ERGIC2: variants seen among roughly 807,000 people sequenced by gnomAD.
ERGIC2 encodes the protein endoplasmic reticulum-Golgi intermediate compartment protein 2.
A neutral mutation model predicts 52.5 loss-of-function variants in ERGIC2; 31 were observed. The observed-to-expected ratio is 0.59, with a 90% confidence interval of 0.44 to 0.80. The LOEUF is 0.80. Ranked by LOEUF, ERGIC2 falls within the 30% of genes least tolerant of loss-of-function variation. ERGIC2 has a pLI of 0.00. For missense variants in ERGIC2, 395 were observed against 455.2 expected (o/e 0.87, Z 1.20); for synonymous variants, 129 against 140.6 (o/e 0.92, Z 0.58).
rs531093473 is a variant in ERGIC2, at chr12:29,370,236, C to A, written c.107-14G>T. On this transcript the variant is annotated splice_polypyrimidine_tract_variant and intron_variant, in intron 2 of 13. Coordinates refer to ENST00000360150, the MANE Select transcript of ERGIC2 (RefSeq NM_016570.3). ...CTATTAGAGAAACTGGGAAATCCAACAACAAAAGAAAAACAGAATTAAAAC... is the reference window on the plus strand; with the variant it reads ...CTATTAGAGAAACTGGGAAATCCAAAAACAAAAGAAAAACAGAATTAAAAC... The A allele has an allele frequency of 1.6e-5, 25 of 1,526,572 alleles. No individual in the cohort carries two copies. In the South Asian group the frequency reaches 3.1e-4, roughly 19 times the overall value. 94.6% of individuals were successfully genotyped at this position (1,526,572 alleles called of 1,614,324 possible).
At position 29,366,963 on chromosome 12, in the gene ERGIC2, A is replaced by G. The variant is rs772678161; in HGVS notation, c.263-16T>C. On this transcript the variant is annotated splice_polypyrimidine_tract_variant and intron_variant, in intron 4 of 13. Coordinates refer to ENST00000360150, the MANE Select transcript of ERGIC2 (RefSeq NM_016570.3). The stretch of plus-strand genomic sequence containing the variant: ...GCTCCAACATCTGCATAGAAAAAAG[A>G]ATTAGAAGTTTTACATTCTATGCTT... 3.2e-6 allele frequency: 5 copies of G among 1,565,110 alleles called. No individual in the cohort carries two copies. Among genetic ancestry groups the G allele is most frequent in the Non-Finnish European group, 4.4e-6 (5 of 1,149,038 alleles).
chr12:29,377,898 T>C (rs1940535921), intron 1 of ERGIC2, among the ~76,000 whole-genome samples: 2 of 152,244 alleles, frequency 1.3e-5, no homozygotes, highest in South Asian at 4.1e-4. Context: ...TATTTCCTGC[T>C]ACCCAAGTTT....
intron 3 of ERGIC2, among the ~76,000 whole-genome samples, chr12:29,369,088 T>C (rs1255992347): frequency 8.6e-5 from 13 of 151,954 alleles, no homozygotes; most frequent in Non-Finnish European, 1.5e-5. Context: ...TACAGATTTT[T>C]AGACCTTCAT....
intron 1 of ERGIC2, 107 bp downstream of exon 1, chr12:29,381,008 G>T (rs1565548556): frequency 6.6e-6 from 1 of 152,272 alleles, no homozygotes; most frequent in Non-Finnish European, 1.5e-5. Context: ...AATGAAGACA[G>T]GAAGCCAAGC....
chr12:29,343,714 G>A (rs1949856580), intron 11 of ERGIC2, among the ~76,000 whole-genome samples: 1 of 152,114 alleles, frequency 6.6e-6, no homozygotes, highest in African/African-American at 2.4e-5. Context: ...GCACAATACA[G>A]CCTTATAAGC....
At chr12:29,367,967 A>G in intron 4 of ERGIC2, among the ~76,000 whole-genome samples, 1 of 151,858 alleles carries the variant, frequency 6.6e-6, no homozygotes, top group East Asian at 1.9e-4. Flanking sequence ...GACAGAAAGG[A>G]TGTACATAAA....
At chr12:29,372,505 A>G (rs560312552) in intron 1 of ERGIC2, 1 of 152,306 alleles carries the variant, frequency 6.6e-6, no homozygotes, top group South Asian at 2.1e-4. Context: ...TGAGGAATTT[A>G]TCCTATGACA....
chr12:29,341,013 T>A lies in ERGIC2; in HGVS notation c.*143A>T, dbSNP rs1041644051. ...TATAGAATTTCAGTTTGGGTTTTTT[T>A]ATCCTTTTTTTTCTTTTTTAAAATA... On this transcript the variant is annotated 3_prime_UTR_variant, in exon 14 of 14. Coordinates refer to ENST00000360150, the MANE Select transcript of ERGIC2 (RefSeq NM_016570.3). 19 of 694,344 alleles carry A rather than the reference T, an allele frequency of 2.7e-5. No homozygotes were observed. Among genetic ancestry groups the A allele is most frequent in the Admixed American group, 1.8e-4 (6 of 33,418 alleles). The allele number at this position is 694,344 out of a possible 1,614,324, so 43.0% of individuals were successfully genotyped here.
At chr12:29,348,054 A>C (rs1437125686) in intron 10 of ERGIC2, among the ~76,000 whole-genome samples, 1 of 152,192 alleles carries the variant, frequency 6.6e-6, no homozygotes, top group East Asian at 1.9e-4. Flanking sequence ...AGGAGAATTA[A>C]CATATGCTTA....
chr12:29,376,256 T>G (rs542641374), intron 1 of ERGIC2, among the ~76,000 whole-genome samples: 11 of 152,288 alleles, frequency 7.2e-5, no homozygotes, highest in African/African-American at 1.7e-4. Context: ...CCAGGCTACA[T>G]AGCAGGTGGT....
chr12:29,368,411 G>T (rs772438995), intron 3 of ERGIC2, 124 bp from the exon 4 acceptor site: 24 of 576,726 alleles, frequency 4.2e-5, no homozygotes, highest in Admixed American at 3.3e-5. Flanking sequence ...ATTAGAACTT[G>T]AATTGCATTT....
intron 11 of ERGIC2, 79 bp downstream of exon 11, chr12:29,345,364 C>G: frequency 1.3e-6 from 1 of 784,422 alleles, no homozygotes; most frequent in Non-Finnish European, 2.1e-6. Flanking sequence ...AAAACACCAC[C>G]TTATTTTGTA....
chr12:29,378,745 G>A (rs182572389), intron 1 of ERGIC2, among the ~76,000 whole-genome samples: 389 of 152,126 alleles, frequency 2.6e-3, no homozygotes, highest in African/African-American at 8.8e-3. Flanking sequence ...GGAAGCCAAG[G>A]AAGACAATAT....
intron 10 of ERGIC2, among the ~76,000 whole-genome samples, chr12:29,348,373 A>C (rs1325574041): frequency 6.6e-6 from 1 of 152,108 alleles, no homozygotes; most frequent in African/African-American, 2.4e-5. Flanking sequence ...AACAAGCTTC[A>C]GAAGTCCTTA....
At chr12:29,349,044 C>T (rs781700408) in intron 10 of ERGIC2, 35 bp downstream of exon 10, 1 of 1,144,382 alleles carries the variant, frequency 8.7e-7, no homozygotes, top group South Asian at 1.4e-5. Flanking sequence ...AAATTTTCTA[C>T]ATGTAAAATC....
chr12:29,374,387 C>T (rs567532698), intron 1 of ERGIC2, among the ~76,000 whole-genome samples: 10 of 152,280 alleles, frequency 6.6e-5, no homozygotes, highest in East Asian at 5.8e-4. Flanking sequence ...ATTCATCTTT[C>T]TCTCAAGATT....
chr12:29,372,563 A>C (rs1049119884), intron 1 of ERGIC2: 5 of 152,178 alleles, frequency 3.3e-5, no homozygotes, highest in Non-Finnish European at 5.9e-5. Flanking sequence ...TATTTCTCAC[A>C]GTGTTATTTT....
chr12:29,354,361 T>G (rs1267732452), intron 8 of ERGIC2, among the ~76,000 whole-genome samples: 2 of 152,212 alleles, frequency 1.3e-5, no homozygotes, highest in African/African-American at 2.4e-5. Context: ...TCATGATATC[T>G]GAGTAGCCAA....
At chr12:29,347,917 T>C (rs1940080025) in intron 10 of ERGIC2, among the ~76,000 whole-genome samples, 2 of 152,156 alleles carry the variant, frequency 1.3e-5, no homozygotes, top group South Asian at 2.1e-4. Flanking sequence ...TTTTTGAAAA[T>C]TGACCTGTTT....
Sources: allele counts gnomAD v4.1 joint callset (sites outside exome capture counted in the v4.1 genomes callset), GRCh38; gene constraint gnomAD v4.1.1; transcripts MANE v1.5; gene names NCBI Gene and HGNC (gene_info 2026-07-23, HGNC 2026-07-21).